SLC35D2: variants seen among roughly 807,000 people sequenced by gnomAD.
The protein encoded by SLC35D2 is nucleotide sugar transporter SLC35D2.
Under a neutral mutation model 41.8 loss-of-function variants are expected in SLC35D2, and 43 were observed. The observed-to-expected ratio is 1.03, with a 90% CI of 0.81 to 1.33. The LOEUF (loss-of-function observed/expected upper bound fraction) is 1.33, where lower values mean the gene tolerates loss of function less well. Among genes scored for constraint, SLC35D2 ranks in the 40% most tolerant of loss-of-function variants. The probability of loss-of-function intolerance (pLI) is 0.00; values close to 1 mark genes in which losing one functional copy is unlikely to be tolerated. For synonymous variants in SLC35D2, 150 were observed against 163.9 expected, an observed-to-expected ratio of 0.92 and a Z score of 0.65; for missense variants, 380 against 408.4, an observed-to-expected ratio of 0.93 and a Z score of 0.60.
At chr9:96,318,330 T>C (rs1277098345), downstream of SLC35D2, among the ~76,000 whole-genome samples, 2 of 151,908 alleles carry the variant, frequency 1.3e-5, no homozygotes, top group Non-Finnish European at 2.9e-5. Flanking sequence ...GCTAATTTTT[T>C]AGTAGTGGTC....
At chr9:96,361,502 C>G (rs1243572973) in intron 3 of SLC35D2, among the ~76,000 whole-genome samples, 2 of 152,054 alleles carry the variant, frequency 1.3e-5, no homozygotes, top group Non-Finnish European at 2.9e-5. Flanking sequence ...GCCCTGGCAA[C>G]ATAGTGAGAC....
chr9:96,337,877 G>C (rs1376454201), intron 8 of SLC35D2, among the ~76,000 whole-genome samples: 1 of 151,512 alleles, frequency 6.6e-6, no homozygotes, highest in Non-Finnish European at 1.5e-5. Flanking sequence ...AGCTACTACA[G>C]GGGCTGAGGC....
At chr9:96,321,793 G>A (rs1029247231) in intron 11 of SLC35D2, among the ~76,000 whole-genome samples, 20 of 152,266 alleles carry the variant, frequency 1.3e-4, no homozygotes, top group East Asian at 1.9e-4. Flanking sequence ...TCCCAGCCCC[G>A]CAAACTGCCA....
chr9:96,360,196 A>G lies in SLC35D2; in HGVS notation c.305T>C (p.Val102Ala). 2 of 1,612,970 alleles carry G rather than the reference A, an allele frequency of 1.2e-6. No homozygotes were observed. The highest frequency in any genetic ancestry group is 2.2e-5 in the East Asian group (1 of 44,856). ...TGATAATCCACTTATGTGGTTTCCA[A>G]CGTAGAGGAGAGGCAGAGGAAACAG... is the stretch of plus-strand genomic sequence containing the variant. ...VKLFPLPLLY[V>A]GNHISGLSST... The change falls in exon 4 of 12, where the codon GTT (valine) becomes GCT (alanine). Residue 102 changes from valine (V) to alanine (A), a missense_variant. Transcript: ENST00000253270.
chr9:96,374,881 C>G (rs1244710872), intron 1 of SLC35D2, among the ~76,000 whole-genome samples: 1 of 151,724 alleles, frequency 6.6e-6, no homozygotes, highest in Non-Finnish European at 1.5e-5. Flanking sequence ...TTCTATGTCT[C>G]CACCTATTTA....
At chr9:96,382,496 C>CACACTCTATATATATATATATATA (rs200897475) in intron 1 of SLC35D2, among the ~76,000 whole-genome samples, 15 of 127,932 alleles carry the variant, frequency 1.2e-4, no homozygotes, top group African/African-American at 4.4e-4. Flanking sequence ...CACACACACA[C>CACACTCTATATATATATATATATA]TATATATATA....
intron 1 of SLC35D2, among the ~76,000 whole-genome samples, chr9:96,373,048 C>T (rs1240448130): frequency 3.3e-5 from 5 of 151,782 alleles, no homozygotes; most frequent in Middle Eastern, 3.2e-3. Context: ...TACAGGCACC[C>T]ACCACCACGC....
intron 1 of SLC35D2, among the ~76,000 whole-genome samples, chr9:96,381,129 C>T (rs955776190): frequency 2.0e-5 from 3 of 152,244 alleles, no homozygotes; most frequent in Non-Finnish European, 4.4e-5. Flanking sequence ...TTTTTAATCA[C>T]ACAAATTGTG....
intron 1 of SLC35D2, among the ~76,000 whole-genome samples, chr9:96,378,876 C>A (rs1831067692): frequency 6.6e-6 from 1 of 151,438 alleles, no homozygotes. Context: ...CTGCTGTGAG[C>A]CTTGATCATG....
chr9:96,357,518 C>T (rs528164312), intron 4 of SLC35D2: 1 of 152,088 alleles, frequency 6.6e-6, no homozygotes, highest in Non-Finnish European at 1.5e-5. Flanking sequence ...GCATTTGAGT[C>T]TGGGTAACAC....
At chr9:96,323,982 C>G (rs1441134974) in intron 10 of SLC35D2, 109 bp downstream of exon 10, 6 of 895,574 alleles carry the variant, frequency 6.7e-6, no homozygotes, top group South Asian at 1.5e-5. Flanking sequence ...GGTCACAGCC[C>G]TCGTTCTTAC....
Position 96,360,163 on chromosome 9 carries a change from C to T in SLC35D2, c.338G>A (p.Ser113Asn). 1 of 1,611,984 alleles carries T rather than the reference C, an allele frequency of 6.2e-7. No homozygotes were observed. Among genetic ancestry groups the T allele is most frequent in the Non-Finnish European group, 8.5e-7 (1 of 1,178,454 alleles). Reference protein sequence around the residue: ...GNHISGLSSTSKLSLPMFTVL... With the variant: ...GNHISGLSSTNKLSLPMFTVL... ...TTATCCTATACTCTACCTTAATTTACTTGTGCTTGATAATCCACTTATGTG... is the reference window on the plus strand; with the variant it reads ...TTATCCTATACTCTACCTTAATTTATTTGTGCTTGATAATCCACTTATGTG... Residue 113 changes from serine to asparagine, a missense_variant, in exon 4 of 12, where the codon AGT (serine) becomes AAT (asparagine). Physicochemically the swap from Ser to Asn is conservative, Grantham distance 46. Transcript: ENST00000253270.
At chr9:96,383,456 C>T in intron 1 of SLC35D2, 21 bp downstream of exon 1, 2 of 1,515,340 alleles carry the variant, frequency 1.3e-6, no homozygotes, top group Admixed American at 2.0e-5. Context: ...GCAGACCCCC[C>T]GGCCCCGGGC....
intron 11 of SLC35D2, 63 bp from the exon 12 acceptor site, chr9:96,321,404 T>C: frequency 2.6e-6 from 3 of 1,165,882 alleles, no homozygotes; most frequent in Non-Finnish European, 3.8e-6. Context: ...CCAGCAGCAG[T>C]TGCTGGCGTT....
At chr9:96,335,463 G>A (rs1319258156) in intron 9 of SLC35D2, among the ~76,000 whole-genome samples, 4 of 152,072 alleles carry the variant, frequency 2.6e-5, no homozygotes, top group South Asian at 2.1e-4. Flanking sequence ...GGGTTCAAGC[G>A]ATTCTTCTGC....
intron 1 of SLC35D2, among the ~76,000 whole-genome samples, chr9:96,378,865 G>A (rs760783768): frequency 1.3e-5 from 2 of 151,830 alleles, no homozygotes; most frequent in Non-Finnish European, 2.9e-5. Flanking sequence ...GGAGGTAGAG[G>A]CTGCTGTGAG....
At chr9:96,322,111 T>A in intron 10 of SLC35D2, 31 bp from the exon 11 acceptor site, 1 of 1,389,750 alleles carries the variant, frequency 7.2e-7, no homozygotes, top group Non-Finnish European at 1.0e-6. Context: ...TTCGTCATTT[T>A]AAAAGTAAAC....
At chr9:96,372,571 TTAC>T (rs1425824971) in intron 1 of SLC35D2, among the ~76,000 whole-genome samples, 2 of 145,960 alleles carry the variant, frequency 1.4e-5, no homozygotes, top group Non-Finnish European at 3.0e-5. Flanking sequence ...AATTAAATAA[TTAC>T]TTTTTTTTTT....
At chr9:96,321,608 T>TA (rs1268194451) in intron 11 of SLC35D2, among the ~76,000 whole-genome samples, 2 of 152,134 alleles carry the variant, frequency 1.3e-5, no homozygotes, top group Non-Finnish European at 2.9e-5. Context: ...TACATACCCT[T>TA]AGCCTTAAAT....
Sources: allele counts gnomAD v4.1 joint callset (sites outside exome capture counted in the v4.1 genomes callset), GRCh38; gene constraint gnomAD v4.1.1; transcripts MANE v1.5; gene names NCBI Gene and HGNC (gene_info 2026-07-23, HGNC 2026-07-21).